Variants in SRGAP1 observed in about 807,000 individuals in gnomAD.
SRGAP1 encodes the protein SLIT-ROBO Rho GTPase-activating protein 1.
SRGAP1 carries 43 observed loss-of-function variants against 121.9 expected under a neutral mutation model. The observed-to-expected ratio is 0.35, with a 90% CI of 0.28 to 0.46. SRGAP1 has a LOEUF of 0.46. Ranked by LOEUF, SRGAP1 falls within the 20% of genes least tolerant of loss-of-function variation. The pLI, the probability that SRGAP1 is intolerant of heterozygous loss-of-function variation, is 1.00. For synonymous variants in SRGAP1, 447 were observed against 485.4 expected (o/e 0.92, Z 1.04); for missense variants, 1,102 against 1,350.9 (o/e 0.82, Z 2.89).
chr12:63,963,724 A>G (rs937133093), intron 1 of SRGAP1, among the ~76,000 whole-genome samples: 1 of 152,182 alleles, frequency 6.6e-6, no homozygotes, highest in Non-Finnish European at 1.5e-5. Flanking sequence ...TCTGATGACC[A>G]CTATTTTCTT....
chr12:64,067,843 C>T (rs1319770900), intron 8 of SRGAP1, among the ~76,000 whole-genome samples: 3 of 151,432 alleles, frequency 2.0e-5, no homozygotes, highest in South Asian at 4.2e-4. Context: ...TGAAGGTCCC[C>T]TGGGGCTTGA....
intron 8 of SRGAP1, among the ~76,000 whole-genome samples, chr12:64,072,928 C>G (rs2035669405): frequency 6.6e-6 from 1 of 152,180 alleles, no homozygotes; most frequent in East Asian, 1.9e-4. Flanking sequence ...GCTCAGAGTT[C>G]AAGCTACCTG....
chr12:63,859,037 T>A (rs117750186), intron 1 of SRGAP1, among the ~76,000 whole-genome samples: 5,378 of 152,338 alleles, frequency 0.035, 146 homozygotes, highest in Middle Eastern at 0.085. Flanking sequence ...GTATTCATTC[T>A]GTATAAGATT....
intron 1 of SRGAP1, among the ~76,000 whole-genome samples, chr12:63,906,505 G>A (rs1267756146): frequency 6.6e-6 from 1 of 151,970 alleles, no homozygotes; most frequent in African/African-American, 2.4e-5. Context: ...AGTAGAGACG[G>A]GGTTTCACCG....
intron 12 of SRGAP1, among the ~76,000 whole-genome samples, chr12:64,092,576 A>G (rs2036075002): frequency 6.6e-6 from 1 of 152,198 alleles, no homozygotes; most frequent in Admixed American, 6.5e-5. Flanking sequence ...AAAGCCACTG[A>G]AGAACCTAAA....
At chr12:64,003,097 A>AGGGAAGGAGGG (rs1258949566) in intron 3 of SRGAP1, among the ~76,000 whole-genome samples, 4 of 86,618 alleles carry the variant, frequency 4.6e-5, no homozygotes, top group Non-Finnish European at 1.1e-4. Context: ...GGTGGGAGGG[A>AGGGAAGGAGGG]GGGAGAAAGG....
intron 17 of SRGAP1, among the ~76,000 whole-genome samples, chr12:64,113,770 G>A (rs2036471588): frequency 6.6e-6 from 1 of 152,144 alleles, no homozygotes; most frequent in Non-Finnish European, 1.5e-5. Flanking sequence ...AAAGGCCAAG[G>A]AGCCTTCCAA....
chr12:63,845,309 C>G (rs773191022), intron 1 of SRGAP1, among the ~76,000 whole-genome samples: 1 of 152,176 alleles, frequency 6.6e-6, no homozygotes, highest in Non-Finnish European at 1.5e-5. Context: ...GAACCCCAAG[C>G]GGTCTACAGC....
chr12:63,854,588 C>A (rs140996081), intron 1 of SRGAP1, among the ~76,000 whole-genome samples: 6 of 152,090 alleles, frequency 3.9e-5, no homozygotes, highest in Middle Eastern at 3.4e-3. Context: ...TTGAAATTTT[C>A]CCTAATAAAA....
At chr12:63,852,047 C>T (rs936746606) in intron 1 of SRGAP1, among the ~76,000 whole-genome samples, 1 of 152,168 alleles carries the variant, frequency 6.6e-6, no homozygotes, top group African/African-American at 2.4e-5. Context: ...AGCACAGTGG[C>T]CCAATCTCGG....
At chr12:64,104,735 TTC>T (rs1329137648) in intron 15 of SRGAP1, among the ~76,000 whole-genome samples, 1 of 152,138 alleles carries the variant, frequency 6.6e-6, no homozygotes, top group Non-Finnish European at 1.5e-5. Flanking sequence ...ATGCCAGCAG[TTC>T]TGTTTTGCTT....
chr12:64,128,089 G>A lies in SRGAP1; in HGVS notation c.2769G>A (p.Arg923=). The A allele has an allele frequency of 1.2e-6, 2 of 1,614,118 alleles. No homozygotes were observed. Among genetic ancestry groups the A allele is most frequent in the Non-Finnish European group, 1.7e-6 (2 of 1,180,022 alleles). The change falls in exon 21 of 22, where the codon CGG becomes CGA. Residue 923 remains arginine (R), a synonymous_variant. Transcript: ENST00000355086. ...ATGGCAGCCTGACCAACATCAGCCG[G>A]CACGACTCCCTCAAGAAGATCGACA... is the stretch of plus-strand genomic sequence containing the variant. ...PGHGSLTNIS[R]HDSLKKIDSP...
intron 1 of SRGAP1, among the ~76,000 whole-genome samples, chr12:63,916,032 C>CTT (rs140042368): frequency 0.014 from 1,722 of 125,116 alleles, 38 homozygotes; most frequent in African/African-American, 0.018. Flanking sequence ...CTTTTCTTTT[C>CTT]TTTTTTTTTT....
chr12:64,025,540 G>A (rs970620222), intron 4 of SRGAP1, among the ~76,000 whole-genome samples: 2 of 152,140 alleles, frequency 1.3e-5, no homozygotes, highest in Non-Finnish European at 2.9e-5. Context: ...AGACTACAGA[G>A]GCCTGGGTCT....
intron 1 of SRGAP1, among the ~76,000 whole-genome samples, chr12:63,980,294 T>C (rs1593001272): frequency 6.6e-6 from 1 of 152,180 alleles, no homozygotes. Flanking sequence ...GCTCAAGCGA[T>C]CTACCTGCCT....
rs528554384 is a variant in SRGAP1 at position 64,022,173 on chromosome 12, G to C, written c.489+5161G>C. 3.1e-3 allele frequency among the ~76,000 whole-genome samples: 469 copies of C among 152,224 alleles called. 3 individuals carry two copies. The highest frequency in any genetic ancestry group is 0.011 in the African/African-American group (440 of 41,538). Reference sequence around the variant, plus strand: ...ACAGAATGGGTGTGTGTGTGTGTGTGCATGTGCAAAGTGATTTACTATAAG... The same window carrying C: ...ACAGAATGGGTGTGTGTGTGTGTGTCCATGTGCAAAGTGATTTACTATAAG... On this transcript the variant is annotated intron_variant, in intron 4 of 21. Coordinates refer to ENST00000355086, the MANE Select transcript of SRGAP1 (RefSeq NM_020762.4).
chr12:63,951,181 T>TTTTA (rs2032281753), intron 1 of SRGAP1, among the ~76,000 whole-genome samples: 1 of 122,826 alleles, frequency 8.1e-6, no homozygotes, highest in South Asian at 2.8e-4. Flanking sequence ...TTTTTTTTTT[T>TTTTA]GAGACAGAGT....
intron 1 of SRGAP1, among the ~76,000 whole-genome samples, chr12:63,869,262 A>G (rs1899767796): frequency 6.6e-6 from 1 of 152,196 alleles, no homozygotes; most frequent in Non-Finnish European, 1.5e-5. Flanking sequence ...AAAGGCAAAG[A>G]AAGGGCAAGA....
chr12:64,003,822 G>A (rs1194538284), intron 3 of SRGAP1, among the ~76,000 whole-genome samples: 1 of 152,180 alleles, frequency 6.6e-6, no homozygotes, highest in Non-Finnish European at 1.5e-5. Context: ...TCCCAAATTT[G>A]GCAAATGACA....
Sources: gnomAD v4.1 joint callset for allele counts (sites outside exome capture counted in the v4.1 genomes callset) on GRCh38, gnomAD v4.1.1 for gene constraint, MANE v1.5 for transcripts, NCBI Gene and HGNC (gene_info 2026-07-23, HGNC 2026-07-21) for gene names.